Variants in CELF4 observed in about 807,000 individuals in gnomAD.
CELF4 encodes CUGBP Elav-like family member 4, also known as CUG-BP- and ETR-3-like factor 4.
CELF4 carries 18 observed loss-of-function variants against 59.9 expected under a neutral mutation model. The ratio of observed to expected loss-of-function variants is 0.30; its 90% confidence interval spans 0.21 to 0.45. The LOEUF (loss-of-function observed/expected upper bound fraction) is 0.45, where lower values mean the gene tolerates loss of function less well. Ranked by LOEUF, CELF4 falls within the 20% of genes least tolerant of loss-of-function variation. The pLI, the probability that CELF4 is intolerant of heterozygous loss-of-function variation, is 1.00. For missense variants in CELF4, 456 were observed against 689.0 expected (o/e 0.66, Z 3.79); for synonymous variants, 261 against 267.1 (o/e 0.98, Z 0.22).
intron 1 of CELF4, among the ~76,000 whole-genome samples, chr18:37,545,753 T>TACACAC (rs146431291): frequency 3.3e-5 from 5 of 149,414 alleles, no homozygotes; most frequent in South Asian, 2.1e-4. Context: ...TGTGTGGGCA[T>TACACAC]ACACACACAC....
chr18:37,259,076 C>T (rs186062899), intron 11 of CELF4, 105 bp downstream of exon 11: 12 of 1,570,160 alleles, frequency 7.6e-6, no homozygotes, highest in South Asian at 5.8e-5. Flanking sequence ...GTGCGAGCAC[C>T]GCCCTGTCCT....
intron 9 of CELF4, 51 bp downstream of exon 9, chr18:37,266,482 G>A (rs766405858): frequency 6.6e-7 from 1 of 1,515,926 alleles, no homozygotes; most frequent in South Asian, 1.2e-5. Flanking sequence ...CACAGGCGTG[G>A]AGAGATAAAC....
At chr18:37,470,887 TGACA>T (rs1378666049) in intron 2 of CELF4, among the ~76,000 whole-genome samples, 47 of 71,956 alleles carry the variant, frequency 6.5e-4, no homozygotes, top group African/African-American at 2.4e-3. Context: ...TGTGTGTGTG[TGACA>T]GAGAGAGAGA....
intron 1 of CELF4, among the ~76,000 whole-genome samples, chr18:37,549,940 C>G (rs567207015): frequency 6.6e-6 from 1 of 152,180 alleles, no homozygotes; most frequent in African/African-American, 2.4e-5. Context: ...AAAGTAGAAT[C>G]AAAATCAGTC....
rs140645232 is a variant in CELF4 at position 37,424,550 on chromosome 18, C to T, written c.369+60975G>A. 5.3e-4 allele frequency among the ~76,000 whole-genome samples: 81 copies of T among 152,252 alleles called. 1 individual carries two copies. In the East Asian group the frequency reaches 9.7e-3, roughly 18 times the overall value. On this transcript the variant is annotated intron_variant, in intron 2 of 12. Coordinates refer to ENST00000420428, the MANE Select transcript of CELF4 (RefSeq NM_020180.4). ...TCTTCCCTCAGGCACTCTGAGCACC[C>T]GATAGCATTTACAAGCAATATTTTG...
intron 1 of CELF4, among the ~76,000 whole-genome samples, chr18:37,557,022 A>G (rs962053551): frequency 2.0e-5 from 3 of 152,116 alleles, no homozygotes; most frequent in Non-Finnish European, 4.4e-5. Flanking sequence ...AAGACTCCAC[A>G]ACTGAATCCA....
intron 2 of CELF4, among the ~76,000 whole-genome samples, chr18:37,348,059 G>A (rs1387071709): frequency 1.3e-5 from 2 of 152,158 alleles, no homozygotes; most frequent in African/African-American, 2.4e-5. Context: ...TCCAGGCCGG[G>A]CCTCTGGTCT....
chr18:37,542,481 G>A (rs755459755), intron 1 of CELF4, among the ~76,000 whole-genome samples: 8 of 152,182 alleles, frequency 5.3e-5, no homozygotes, highest in Non-Finnish European at 8.8e-5. Flanking sequence ...TTCCCCAAGC[G>A]TACGACTCAT....
At chr18:37,348,151 C>G (rs976159736) in intron 2 of CELF4, among the ~76,000 whole-genome samples, 1 of 152,154 alleles carries the variant, frequency 6.6e-6, no homozygotes, top group South Asian at 2.1e-4. Flanking sequence ...TTCTCTCTTG[C>G]GCCTCCTTCT....
At chr18:37,500,355 G>A (rs760071009) in intron 1 of CELF4, among the ~76,000 whole-genome samples, 1 of 152,052 alleles carries the variant, frequency 6.6e-6, no homozygotes, top group African/African-American at 2.4e-5. Context: ...GAGTAGGGCC[G>A]AGGAGGGGTG....
At chr18:37,459,588 G>A (rs1022401759) in intron 2 of CELF4, among the ~76,000 whole-genome samples, 3 of 152,072 alleles carry the variant, frequency 2.0e-5, no homozygotes, top group Non-Finnish European at 4.4e-5. Flanking sequence ...TCACACATGA[G>A]CTCAACTCCA....
At chr18:37,412,335 T>A (rs1194916789) in intron 2 of CELF4, among the ~76,000 whole-genome samples, 1 of 152,296 alleles carries the variant, frequency 6.6e-6, no homozygotes, top group East Asian at 1.9e-4. Context: ...CTTATCCCAA[T>A]AAGAGTGGAG....
chr18:37,359,764 G>A (rs961811686), intron 2 of CELF4, among the ~76,000 whole-genome samples: 2 of 152,110 alleles, frequency 1.3e-5, no homozygotes, highest in African/African-American at 4.8e-5. Context: ...AGCCAGGATG[G>A]TCTCAATCTC....
At chr18:37,432,182 C>A (rs917052451) in intron 2 of CELF4, among the ~76,000 whole-genome samples, 1 of 152,200 alleles carries the variant, frequency 6.6e-6, no homozygotes, top group Non-Finnish European at 1.5e-5. Context: ...AAGCAGCCAG[C>A]ACTGATGGCC....
Position 37,244,144 on chromosome 18 carries a change from T to G in CELF4, c.*1098A>C, listed in dbSNP as rs1313550838. On this transcript the variant is annotated 3_prime_UTR_variant, in exon 13 of 13. Transcript: ENST00000420428. ...TAGCAGTAATGCTAACTTCTATAGGTTTTTTTTTTCCTTTTTTATTTTTTT... is the reference window on the plus strand; with the variant it reads ...TAGCAGTAATGCTAACTTCTATAGGGTTTTTTTTTCCTTTTTTATTTTTTT... The G allele has an allele frequency of 3.5e-5, 5 of 143,428 alleles. No individual in the cohort carries two copies. In the South Asian group the frequency reaches 7.3e-4, roughly 21 times the overall value. The allele number at this position is 143,428 out of a possible 1,614,324, so 8.9% of individuals were successfully genotyped here.
At chr18:37,563,761 C>T (rs558135396) in intron 1 of CELF4, among the ~76,000 whole-genome samples, 14 of 151,872 alleles carry the variant, frequency 9.2e-5, no homozygotes, top group Admixed American at 6.6e-4. Flanking sequence ...TATTTCCATT[C>T]TGCTGTGTTT....
rs566867415 is a variant in CELF4 at position 37,301,724 on chromosome 18, A to G, written c.448+20079T>C. ...CCTGCTGGGAGCGTGAAGGCTCTGA[A>G]GGTACCTCCTTTAAAGAGCCGGAAG... is the stretch of plus-strand genomic sequence containing the variant. On this transcript the variant is annotated intron_variant, in intron 3 of 12. Transcript: ENST00000420428. 2.6e-5 allele frequency among the ~76,000 whole-genome samples: 4 copies of G among 152,132 alleles called. No individual in the cohort carries two copies. In the South Asian group the frequency reaches 6.2e-4, roughly 24 times the overall value.
rs2060786576 is a variant in CELF4 at position 37,243,068 on chromosome 18, T to C, written c.*2174A>G. 6.6e-6 allele frequency: 1 copy of C among 152,064 alleles called. No homozygotes were observed. Among genetic ancestry groups the C allele is most frequent in the Non-Finnish European group, 1.5e-5 (1 of 68,038 alleles). The allele number at this position is 152,064 out of a possible 1,614,324, so 9.4% of individuals were successfully genotyped here. Reference sequence around the variant, plus strand: ...TTTTAAACTGTGCTTTATTTAGGGCTAAGCTGGAGAAAGCGTCATCCAATA... The same window carrying C: ...TTTTAAACTGTGCTTTATTTAGGGCCAAGCTGGAGAAAGCGTCATCCAATA... On this transcript the variant is annotated 3_prime_UTR_variant, in exon 13 of 13. Coordinates refer to ENST00000420428, the MANE Select transcript of CELF4 (RefSeq NM_020180.4).
chr18:37,370,772 A>G (rs1239070606), intron 2 of CELF4, among the ~76,000 whole-genome samples: 1 of 152,118 alleles, frequency 6.6e-6, no homozygotes, highest in Non-Finnish European at 1.5e-5. Context: ...TGGCTCTGTG[A>G]CCAAATGTCA....
Sources: allele counts gnomAD v4.1 joint callset (sites outside exome capture counted in the v4.1 genomes callset), GRCh38; gene constraint gnomAD v4.1.1; transcripts MANE v1.5; gene names NCBI Gene and HGNC (gene_info 2026-07-23, HGNC 2026-07-21).